SCP2: variants seen among roughly 807,000 people sequenced by gnomAD.
The protein encoded by SCP2 is sterol carrier protein 2, also known as SCP-2/3-oxoacyl-CoA thiolase.
Under a neutral mutation model 71.4 loss-of-function variants are expected in SCP2, and 48 were observed. The observed-to-expected ratio is 0.67, with a 90% confidence interval of 0.53 to 0.86. The LOEUF (loss-of-function observed/expected upper bound fraction) is 0.86. Among genes scored for constraint, SCP2 ranks in the 40% least tolerant of loss-of-function variants. The probability of loss-of-function intolerance (pLI) is 0.00; values close to 1 mark genes in which losing one functional copy is unlikely to be tolerated. For synonymous variants in SCP2, 220 were observed against 218.1 expected (o/e 1.01, Z -0.08); for missense variants, 560 against 655.6 (o/e 0.85, Z 1.59).
intron 4 of SCP2, among the ~76,000 whole-genome samples, chr1:52,952,745 C>T (rs1655430450): frequency 6.6e-6 from 1 of 151,960 alleles, no homozygotes; most frequent in Non-Finnish European, 1.5e-5. Context: ...CCAGCCTGGG[C>T]AACAGAGCAA....
intron 11 of SCP2, chr1:52,994,044 G>A (rs969816148): frequency 2.6e-6 from 3 of 1,159,710 alleles, no homozygotes; most frequent in Non-Finnish European, 3.2e-6. Flanking sequence ...TACCGTATCT[G>A]TATGTAAATG....
intron 5 of SCP2, among the ~76,000 whole-genome samples, chr1:52,959,421 C>T (rs1483782084): frequency 3.9e-5 from 6 of 151,932 alleles, no homozygotes; most frequent in Admixed American, 3.3e-4. Context: ...TCTTGAACTC[C>T]CGACCTCAGG....
At position 52,954,742 on chromosome 1, in the gene SCP2, G is replaced by A. The variant is rs780545021; in HGVS notation, c.334G>A (p.Val112Met). The part of the protein sequence containing the change: ...FMARQLIQGG[V>M]AECVLALGFE... ...AAATAATTACGTTTTCCTTTAAGGT[G>A]TGGCAGAATGTGTCTTGGCTCTTGG... The change falls in exon 5 of 16, where the codon GTG (valine) becomes ATG (methionine). Residue 112 changes from valine (V) to methionine (M), a missense_variant and splice_region_variant. Val to Met is a conservative substitution (Grantham distance 21). Coordinates refer to ENST00000371514, the MANE Select transcript of SCP2 (RefSeq NM_002979.5). The A allele has an allele frequency of 2.5e-6, 4 of 1,612,862 alleles. No individual in the cohort carries two copies. The South Asian group carries it at 4.4e-5, about 18-fold the overall frequency.
intron 12 of SCP2, among the ~76,000 whole-genome samples, chr1:53,015,455 CT>C (rs1182388540): frequency 6.6e-6 from 1 of 152,148 alleles, no homozygotes; most frequent in Non-Finnish European, 1.5e-5. Context: ...TGCTAGAATT[CT>C]TTTTGTCTCT....
At chr1:53,013,498 G>A (rs1450861435) in intron 11 of SCP2, among the ~76,000 whole-genome samples, 1 of 151,748 alleles carries the variant, frequency 6.6e-6, no homozygotes, top group East Asian at 1.9e-4. Flanking sequence ...GGGAGGCTGA[G>A]GCAGGAGAAT....
At chr1:52,950,999 G>A in intron 4 of SCP2, 113 bp downstream of exon 4, 3 of 1,235,254 alleles carry the variant, frequency 2.4e-6, no homozygotes, top group Non-Finnish European at 2.4e-6. Context: ...GTCTTCATCA[G>A]GCCGGGTGTG....
chr1:53,028,400 A>C (rs1018852305), intron 13 of SCP2, among the ~76,000 whole-genome samples: 9 of 152,152 alleles, frequency 5.9e-5, no homozygotes, highest in Non-Finnish European at 2.9e-5. Flanking sequence ...ATTTTGCTGT[A>C]ATTTCCTTTG....
At chr1:52,927,649 T>C (rs1264489015) in intron 1 of SCP2, among the ~76,000 whole-genome samples, 184 bp downstream of exon 1, 1 of 152,172 alleles carries the variant, frequency 6.6e-6, no homozygotes. Flanking sequence ...TCCTGCGGCC[T>C]TCTGCTTCCT....
At chr1:52,945,334 C>T (rs1486270136) in intron 2 of SCP2, among the ~76,000 whole-genome samples, 3 of 151,924 alleles carry the variant, frequency 2.0e-5, no homozygotes, top group African/African-American at 4.8e-5. Flanking sequence ...TACAGGTACT[C>T]GCCACTGTGC....
intron 11 of SCP2, chr1:52,996,144 A>C: frequency 2.3e-6 from 1 of 436,012 alleles, no homozygotes; most frequent in East Asian, 3.5e-5. Flanking sequence ...GATCTAGAAC[A>C]GTGCTTAGCA....
At chr1:53,033,128 T>C (rs1662671732) in intron 13 of SCP2, among the ~76,000 whole-genome samples, 1 of 152,198 alleles carries the variant, frequency 6.6e-6, no homozygotes, top group Non-Finnish European at 1.5e-5. Flanking sequence ...ATGTAAGAGA[T>C]GCTGCCATGA....
chr1:53,003,662 G>C (rs746869804), intron 11 of SCP2, among the ~76,000 whole-genome samples: 6 of 152,114 alleles, frequency 3.9e-5, no homozygotes, highest in Non-Finnish European at 7.4e-5. Flanking sequence ...TGGGACCACA[G>C]GTGCACACCA....
At chr1:53,037,900 A>G (rs201085994) in intron 13 of SCP2, among the ~76,000 whole-genome samples, 4,376 of 113,584 alleles carry the variant, frequency 0.039, 150 homozygotes, top group Admixed American at 0.1. Context: ...ACACACACAC[A>G]CACACACACA....
intron 2 of SCP2, among the ~76,000 whole-genome samples, chr1:52,947,061 G>GAA (rs769379121): frequency 3.9e-4 from 30 of 76,952 alleles, no homozygotes; most frequent in African/African-American, 1.0e-3. Flanking sequence ...ACTCTGTCTC[G>GAA]AAAAAAAAAA....
At chr1:53,015,882 G>T (rs1268862118) in intron 12 of SCP2, among the ~76,000 whole-genome samples, 3 of 152,164 alleles carry the variant, frequency 2.0e-5, no homozygotes, top group Non-Finnish European at 4.4e-5. Context: ...AAATGAAATT[G>T]AATAACTTTG....
intron 15 of SCP2, chr1:53,048,342 G>A: frequency 3.7e-6 from 1 of 270,824 alleles, no homozygotes; most frequent in Non-Finnish European, 7.4e-6. Flanking sequence ...AGGAGGGAGG[G>A]GTGGCATGAA....
At chr1:53,045,145 A>G in intron 14 of SCP2, among the ~76,000 whole-genome samples, 1 of 152,178 alleles carries the variant, frequency 6.6e-6, no homozygotes, top group East Asian at 1.9e-4. Context: ...AATGTTTACA[A>G]ATGAGTACAC....
At chr1:52,982,268 G>A (rs1254722230) in intron 10 of SCP2, among the ~76,000 whole-genome samples, 1 of 152,028 alleles carries the variant, frequency 6.6e-6, no homozygotes, top group African/African-American at 2.4e-5. Flanking sequence ...TGTCTTCTGG[G>A]GGGTAAAATC....
chr1:53,003,696 A>AT (rs944368748), intron 11 of SCP2, among the ~76,000 whole-genome samples: 1 of 150,454 alleles, frequency 6.6e-6, no homozygotes, highest in African/African-American at 2.5e-5. Flanking sequence ...ATTTTATTTT[A>AT]TTTTTTCTTT....
Sources: allele counts gnomAD v4.1 joint callset (sites outside exome capture counted in the v4.1 genomes callset), GRCh38; gene constraint gnomAD v4.1.1; transcripts MANE v1.5; gene names NCBI Gene and HGNC (gene_info 2026-07-23, HGNC 2026-07-21).